RGS8: variants seen among roughly 807,000 people sequenced by gnomAD.
The protein encoded by RGS8 is regulator of G protein signaling 8, also known as regulator of G-protein signaling 8.
A neutral mutation model predicts 21.7 loss-of-function variants in RGS8; 8 were observed. The ratio of observed to expected loss-of-function variants is 0.37; its 90% CI spans 0.22 to 0.66. The LOEUF is 0.66. Among genes scored for constraint, RGS8 ranks in the 30% least tolerant of loss-of-function variants. The pLI, the probability that RGS8 is intolerant of heterozygous loss-of-function variation, is 0.59. For synonymous variants in RGS8, 80 were observed against 83.6 expected (o/e 0.96, Z 0.24); for missense variants, 157 against 217.9 (o/e 0.72, Z 1.76).
chr1:182,662,603 C>T (rs1348166504), intron 5 of RGS8, among the ~76,000 whole-genome samples: 1 of 152,192 alleles, frequency 6.6e-6, no homozygotes, highest in East Asian at 1.9e-4. Context: ...TGCTGTAAAC[C>T]AAAAGCAGCC....
At chr1:182,655,730 G>C (rs1265933315) in intron 5 of RGS8, among the ~76,000 whole-genome samples, 1 of 152,200 alleles carries the variant, frequency 6.6e-6, no homozygotes, top group Non-Finnish European at 1.5e-5. Flanking sequence ...TTAGCACTCT[G>C]TTCGGTGTCC....
At chr1:182,696,944 T>C in the RGS8 span, among the ~76,000 whole-genome samples, 13 of 152,302 alleles carry the variant, frequency 8.5e-5, no homozygotes, top group Non-Finnish European at 1.8e-4. Context: ...GCTAGGGTGC[T>C]AGGGGTGGCT....
At chr1:182,723,812 A>C in the RGS8 span, among the ~76,000 whole-genome samples, 104 of 152,284 alleles carry the variant, frequency 6.8e-4, no homozygotes, top group Non-Finnish European at 1.3e-3. Flanking sequence ...ATTAAACTGT[A>C]TTTTACTTAG....
At chr1:182,669,462 A>G (rs1160985013) in intron 3 of RGS8, among the ~76,000 whole-genome samples, 162 bp downstream of exon 4, 1 of 152,214 alleles carries the variant, frequency 6.6e-6, no homozygotes, top group Non-Finnish European at 1.5e-5. Context: ...AGGCATACAG[A>G]CAAGAACCGT....
intron 3 of RGS8, among the ~76,000 whole-genome samples, chr1:182,668,868 T>C (rs1423401487): frequency 6.6e-6 from 1 of 152,200 alleles, no homozygotes; most frequent in Non-Finnish European, 1.5e-5. Flanking sequence ...TTCCATGAAT[T>C]CAAGTTAAGG....
chr1:182,675,919 A>G (rs1022042924), upstream of RGS8, among the ~76,000 whole-genome samples: 1 of 152,200 alleles, frequency 6.6e-6, no homozygotes, highest in African/African-American at 2.4e-5. Context: ...TCATTAACTC[A>G]CAGAGAGCAG....
chr1:182,694,870 G>A, the RGS8 span, among the ~76,000 whole-genome samples: 14 of 151,154 alleles, frequency 9.3e-5, no homozygotes, highest in South Asian at 4.2e-4. Flanking sequence ...AAATTTTAAC[G>A]TCAGAAAAGT....
chr1:182,652,402 C>T lies in RGS8; in HGVS notation c.194-4099G>A, dbSNP rs993756742. 3.9e-5 allele frequency among the ~76,000 whole-genome samples: 6 copies of T among 152,176 alleles called. No individual in the cohort carries two copies. In the South Asian group the frequency reaches 8.3e-4, roughly 21 times the overall value. ...GTTTCAGCTCTGTTGGGTCTTTGTGCGGATGAGTAGAGATAACTTCTGCAA... is the reference window on the plus strand; with the variant it reads ...GTTTCAGCTCTGTTGGGTCTTTGTGTGGATGAGTAGAGATAACTTCTGCAA... On this transcript the variant is annotated intron_variant, in intron 5 of 6. Transcript: ENST00000483095.
At chr1:182,740,813 T>A in the RGS8 span, among the ~76,000 whole-genome samples, 2,954 of 151,942 alleles carry the variant, frequency 0.019, 100 homozygotes, top group African/African-American at 0.069. Flanking sequence ...TGCACCACCC[T>A]TAATCCATTC....
rs935719568 is a variant in RGS8, at chr1:182,679,597, T to C, written n.221+4759A>G. On this transcript the variant is annotated intron_variant and non_coding_transcript_variant, in intron 1 of 4. Transcript: ENST00000515211. ...CATAGTCCTAACTACATTGGGTATA[T>C]TGACCATTTCTAAATATTTTTGTCC... is the stretch of plus-strand genomic sequence containing the variant. Among the ~76,000 whole-genome samples, 7 of 152,112 alleles carry C rather than the reference T, an allele frequency of 4.6e-5. No individual in the cohort carries two copies. In the South Asian group the frequency reaches 1.4e-3, roughly 31 times the overall value.
At chr1:182,712,964 G>C in the RGS8 span, 1 of 152,048 alleles carries the variant, frequency 6.6e-6, no homozygotes, top group Non-Finnish European at 1.5e-5. Flanking sequence ...CCAGTTGTTT[G>C]GCATCAGACC....
the RGS8 span, among the ~76,000 whole-genome samples, chr1:182,711,380 T>C: frequency 8.5e-5 from 13 of 152,288 alleles, no homozygotes; most frequent in African/African-American, 3.1e-4. Flanking sequence ...TTCTTCTGAT[T>C]TCCAAGAGTC....
upstream of RGS8, among the ~76,000 whole-genome samples, chr1:182,672,491 G>A (rs1214802007): frequency 6.6e-6 from 1 of 151,970 alleles, no homozygotes; most frequent in Non-Finnish European, 1.5e-5. Flanking sequence ...CATCTCAGCT[G>A]TGCCCCTTAC....
the RGS8 span, among the ~76,000 whole-genome samples, chr1:182,738,203 C>T: frequency 2.0e-5 from 3 of 152,140 alleles, no homozygotes; most frequent in Non-Finnish European, 4.4e-5. Flanking sequence ...ATATAATGGA[C>T]GGAGGCCACT....
At chr1:182,732,599 G>A in the RGS8 span, among the ~76,000 whole-genome samples, 1 of 152,064 alleles carries the variant, frequency 6.6e-6, no homozygotes, top group East Asian at 1.9e-4. Context: ...TTCAACAAAG[G>A]GGTTCTCAGA....
At chr1:182,730,789 C>T in the RGS8 span, among the ~76,000 whole-genome samples, 4 of 152,164 alleles carry the variant, frequency 2.6e-5, no homozygotes, top group South Asian at 8.3e-4. Flanking sequence ...ACCAGTAGAT[C>T]TCAATTTTTT....
chr1:182,713,765 C>T, the RGS8 span, among the ~76,000 whole-genome samples: 4 of 152,312 alleles, frequency 2.6e-5, no homozygotes, highest in South Asian at 8.3e-4. Context: ...TACTACATCT[C>T]CCATGGTACG....
the RGS8 span, among the ~76,000 whole-genome samples, chr1:182,693,359 T>C: frequency 6.6e-6 from 1 of 152,154 alleles, no homozygotes; most frequent in Non-Finnish European, 1.5e-5. Flanking sequence ...CTGACAAGCA[T>C]ATGAGAAAAT....
the RGS8 span, among the ~76,000 whole-genome samples, chr1:182,709,682 A>G: frequency 1.1e-4 from 16 of 152,116 alleles, no homozygotes; most frequent in Admixed American, 7.2e-4. Context: ...CACTATTTCT[A>G]TTCCCTGACT....
Sources: gnomAD v4.1 joint callset for allele counts (sites outside exome capture counted in the v4.1 genomes callset) on GRCh38, gnomAD v4.1.1 for gene constraint, MANE v1.5 for transcripts, NCBI Gene and HGNC (gene_info 2026-07-23, HGNC 2026-07-21) for gene names.